The following LRRC7 variants were observed in gnomAD, a reference collection of about 807,000 sequenced individuals.
LRRC7 encodes the protein leucine-rich repeat-containing protein 7.
In LRRC7, 23 loss-of-function variants were observed where a neutral mutation model predicts 175.7. The ratio of observed to expected loss-of-function variants is 0.13; its 90% confidence interval spans 0.09 to 0.19. The LOEUF (loss-of-function observed/expected upper bound fraction) is 0.19, where lower values mean the gene tolerates loss of function less well. Among genes scored for constraint, LRRC7 ranks in the 10% least tolerant of loss-of-function variants. The probability of loss-of-function intolerance (pLI) is 1.00; values close to 1 mark genes in which losing one functional copy is unlikely to be tolerated. For synonymous variants in LRRC7, 685 were observed against 680.9 expected (o/e 1.01, Z -0.09); for missense variants, 1,354 against 1,904.7 (o/e 0.71, Z 5.38).
intron 25 of LRRC7, among the ~76,000 whole-genome samples, chr1:70,102,514 A>G (rs531212578): frequency 6.6e-6 from 1 of 152,234 alleles, no homozygotes; most frequent in South Asian, 2.1e-4. Context: ...TGAGTTGTAG[A>G]TTGAGTTTCA....
intron 1 of LRRC7, among the ~76,000 whole-genome samples, chr1:69,596,147 C>A (rs1646835960): frequency 6.6e-6 from 1 of 151,988 alleles, no homozygotes; most frequent in African/African-American, 2.4e-5. Context: ...CAGGCAAGTC[C>A]ATTATAAGAA....
At chr1:69,678,869 C>A (rs1438112890) in intron 2 of LRRC7, among the ~76,000 whole-genome samples, 1 of 152,038 alleles carries the variant, frequency 6.6e-6, no homozygotes, top group Non-Finnish European at 1.5e-5. Context: ...AGCCACAGGG[C>A]TCTTTTAACA....
intron 16 of LRRC7, chr1:70,021,391 T>C (rs184199301): frequency 1.1e-5 from 3 of 260,990 alleles, no homozygotes; most frequent in East Asian, 8.7e-5. Flanking sequence ...TGAGGGAAAG[T>C]AGAAAAAAAA....
At chr1:70,026,900 G>A (rs930912128) in intron 17 of LRRC7, among the ~76,000 whole-genome samples, 1 of 152,066 alleles carries the variant, frequency 6.6e-6, no homozygotes, top group Admixed American at 6.6e-5. Context: ...CACAGTTGGT[G>A]GATTTGCTAA....
chr1:69,733,229 G>T (rs1335575758), intron 2 of LRRC7, among the ~76,000 whole-genome samples: 1 of 151,958 alleles, frequency 6.6e-6, no homozygotes, highest in East Asian at 1.9e-4. Flanking sequence ...TCTTAATTCA[G>T]AGCTCTTTAA....
At chr1:70,063,450 G>C (rs761504169) in intron 23 of LRRC7, among the ~76,000 whole-genome samples, 8 of 152,114 alleles carry the variant, frequency 5.3e-5, no homozygotes, top group Non-Finnish European at 1.0e-4. Context: ...ATTACTCCCA[G>C]TGATGGAGAA....
At chr1:69,902,767 T>C (rs192951058) in intron 7 of LRRC7, among the ~76,000 whole-genome samples, 14 of 152,298 alleles carry the variant, frequency 9.2e-5, no homozygotes, top group African/African-American at 3.4e-4. Flanking sequence ...CTTTATTCAA[T>C]AAAATTCAAG....
intron 2 of LRRC7, among the ~76,000 whole-genome samples, chr1:69,691,532 T>C (rs1661862358): frequency 1.3e-5 from 2 of 152,162 alleles, no homozygotes; most frequent in Admixed American, 1.3e-4. Flanking sequence ...GTACAGTGGC[T>C]GACCCCTGTA....
intron 1 of LRRC7, among the ~76,000 whole-genome samples, chr1:69,628,184 A>G (rs1481722612): frequency 2.0e-5 from 3 of 152,190 alleles, no homozygotes; most frequent in African/African-American, 7.2e-5. Context: ...TTGGAAAGAA[A>G]GAACGAAAAT....
intron 24 of LRRC7, among the ~76,000 whole-genome samples, chr1:70,080,462 C>T (rs2102142994): frequency 6.6e-6 from 1 of 152,286 alleles, no homozygotes; most frequent in South Asian, 2.1e-4. Flanking sequence ...TCTAAACTTT[C>T]AAACTACCCA....
At chr1:69,856,678 A>C in intron 7 of LRRC7, among the ~76,000 whole-genome samples, 1 of 152,240 alleles carries the variant, frequency 6.6e-6, no homozygotes, top group East Asian at 1.9e-4. Context: ...GAATTCTACC[A>C]AAGGTACAAG....
chr1:69,628,778 G>T (rs899287280), intron 1 of LRRC7, among the ~76,000 whole-genome samples: 1 of 152,080 alleles, frequency 6.6e-6, no homozygotes, highest in Non-Finnish European at 1.5e-5. Flanking sequence ...TAGACAAATA[G>T]ATCAGTGGAA....
chr1:69,712,591 C>T (rs746760000), intron 2 of LRRC7, among the ~76,000 whole-genome samples: 14 of 151,984 alleles, frequency 9.2e-5, no homozygotes, highest in Non-Finnish European at 1.8e-4. Flanking sequence ...GGCGACAGAG[C>T]GAGACTCCAT....
At position 69,788,950 on chromosome 1, in the gene LRRC7, G is replaced by A. The variant is rs545917145; in HGVS notation, c.304-3093G>A. Among the ~76,000 whole-genome samples, 41 of 152,188 alleles carry A rather than the reference G, an allele frequency of 2.7e-4. No homozygotes were observed. The South Asian group carries it at 4.6e-3, about 17-fold the overall frequency. ...TGGGCTCAAGTATAGTTGTTTCCCCGCACTTAGCATAGTGTCTAGCTTGTA... is the reference window on the plus strand; with the variant it reads ...TGGGCTCAAGTATAGTTGTTTCCCCACACTTAGCATAGTGTCTAGCTTGTA... On this transcript the variant is annotated intron_variant, in intron 3 of 26. Transcript: ENST00000651989.
At chr1:69,917,082 CT>C (rs1646742646) in intron 7 of LRRC7, among the ~76,000 whole-genome samples, 1 of 152,118 alleles carries the variant, frequency 6.6e-6, no homozygotes, top group African/African-American at 2.4e-5. Flanking sequence ...TATAATGTAA[CT>C]ATAGATTGGT....
chr1:70,002,667 C>T (rs1655642878), intron 11 of LRRC7, among the ~76,000 whole-genome samples: 1 of 152,122 alleles, frequency 6.6e-6, no homozygotes, highest in Admixed American at 6.6e-5. Context: ...CTCCTCCACC[C>T]ATTCACTAAC....
intron 3 of LRRC7, among the ~76,000 whole-genome samples, chr1:69,770,287 C>T (rs531161563): frequency 2.0e-5 from 3 of 152,226 alleles, no homozygotes; most frequent in Admixed American, 2.0e-4. Context: ...TGCTTTCAAT[C>T]GATGCTTCGT....
At chr1:69,719,497 C>T (rs953123781) in intron 2 of LRRC7, among the ~76,000 whole-genome samples, 3 of 151,608 alleles carry the variant, frequency 2.0e-5, no homozygotes, top group Non-Finnish European at 3.0e-5. Context: ...TTACATAACA[C>T]TCTCATGTGC....
In LRRC7 at chr1:69,570,694, G is replaced by C. The variant is rs569147824; in HGVS notation, c.2+2053G>C. ...TTTGTTTGTTGTTTTTTGTTTGTTT[G>C]TTTTTACAAAAGACAGTAAAGCAAT... On this transcript the variant is annotated intron_variant, in intron 1 of 26. Transcript: ENST00000651989. Among the ~76,000 whole-genome samples, 123 of 151,978 alleles carry C rather than the reference G, an allele frequency of 8.1e-4. 1 individual carries two copies. The South Asian group carries it at 8.3e-3, about 10-fold the overall frequency.
Sources: allele counts gnomAD v4.1 joint callset (sites outside exome capture counted in the v4.1 genomes callset), GRCh38; gene constraint gnomAD v4.1.1; transcripts MANE v1.5; gene names NCBI Gene and HGNC (gene_info 2026-07-23, HGNC 2026-07-21).